The following SUGCT variants were observed in gnomAD, a reference collection of about 807,000 sequenced individuals.
SUGCT encodes succinyl-CoA:glutarate-CoA transferase.
SUGCT carries 41 observed loss-of-function variants against 55.0 expected under a neutral mutation model. The observed-to-expected ratio is 0.74, with a 90% CI of 0.58 to 0.97. SUGCT has a LOEUF of 0.97. Among genes scored for constraint, SUGCT ranks in the 50% least tolerant of loss-of-function variants. The probability of loss-of-function intolerance (pLI) is 0.00; values close to 1 mark genes in which losing one functional copy is unlikely to be tolerated. For missense variants in SUGCT, 568 were observed against 547.8 expected, an observed-to-expected ratio of 1.04 and a Z score of -0.37; for synonymous variants, 187 against 200.4, an observed-to-expected ratio of 0.93 and a Z score of 0.56.
At chr7:40,514,508 A>C (rs1271418641) in intron 12 of SUGCT, among the ~76,000 whole-genome samples, 2 of 152,120 alleles carry the variant, frequency 1.3e-5, no homozygotes, top group African/African-American at 4.8e-5. Context: ...CAGGAGTTCA[A>C]GACCAACCTG....
At chr7:40,482,785 C>T (rs1220875625) in intron 11 of SUGCT, among the ~76,000 whole-genome samples, 3 of 152,070 alleles carry the variant, frequency 2.0e-5, no homozygotes, top group Non-Finnish European at 4.4e-5. Flanking sequence ...TTAGTATGGA[C>T]GAGAATTGTT....
intron 12 of SUGCT, among the ~76,000 whole-genome samples, chr7:40,638,150 T>C (rs964656348): frequency 1.3e-5 from 2 of 152,244 alleles, no homozygotes; most frequent in African/African-American, 4.8e-5. Context: ...GCAGGGTTAC[T>C]AGCCACTGCC....
intron 13 of SUGCT, among the ~76,000 whole-genome samples, chr7:40,801,973 A>G (rs1203573): frequency 0.59 from 89,450 of 150,404 alleles, 27,960 homozygotes; most frequent in African/African-American, 0.8. Flanking sequence ...AATGTTAAGC[A>G]TGGCCACCGA....
rs965775165 is a variant in SUGCT, at chr7:40,428,397, T to G, written c.817-20890T>G. Among the ~76,000 whole-genome samples the G allele has an allele frequency of 2.2e-4, 33 of 152,162 alleles. 1 individual carries two copies. The highest frequency in any genetic ancestry group is 1.8e-4 in the Non-Finnish European group (12 of 68,026). On this transcript the variant is annotated intron_variant, in intron 9 of 13. Transcript: ENST00000335693. ...AAAGTAATTACCAATAGGGAAGGAC[T>G]TACCTTGTCACTTTTAAATTGTTTT...
At chr7:40,905,435 A>ATATT in the SUGCT span, among the ~76,000 whole-genome samples, 1 of 152,218 alleles carries the variant, frequency 6.6e-6, no homozygotes. Flanking sequence ...ATTAATTATG[A>ATATT]TATTTGTAGG....
intron 1 of SUGCT, 65 bp downstream of exon 1, chr7:40,135,185 C>T (rs1216191555): frequency 2.0e-6 from 3 of 1,491,556 alleles, no homozygotes; most frequent in Non-Finnish European, 2.7e-6. Flanking sequence ...TCCTCGGGCG[C>T]CCTGAGGAGA....
chr7:40,297,151 T>G (rs1434254889), intron 8 of SUGCT, among the ~76,000 whole-genome samples: 1 of 152,184 alleles, frequency 6.6e-6, no homozygotes. Flanking sequence ...TTCTCTTTCC[T>G]TCAGTCCCTC....
chr7:40,972,187 C>T, the SUGCT span, among the ~76,000 whole-genome samples: 1 of 152,256 alleles, frequency 6.6e-6, no homozygotes, highest in Non-Finnish European at 1.5e-5. Flanking sequence ...AATAAATATA[C>T]ATCCCGAAGC....
intron 12 of SUGCT, among the ~76,000 whole-genome samples, chr7:40,657,724 CG>C (rs1801097675): frequency 1.3e-5 from 2 of 152,126 alleles, no homozygotes. Flanking sequence ...TTAGTGGAGA[CG>C]GGGTTTCGCC....
At chr7:40,382,070 T>A (rs1784903929) in intron 9 of SUGCT, among the ~76,000 whole-genome samples, 1 of 151,972 alleles carries the variant, frequency 6.6e-6, no homozygotes, top group African/African-American at 2.4e-5. Context: ...TATATGGATT[T>A]TTACTAAACA....
At chr7:40,916,801 C>G in the SUGCT span, among the ~76,000 whole-genome samples, 1 of 152,110 alleles carries the variant, frequency 6.6e-6, no homozygotes, top group Non-Finnish European at 1.5e-5. Context: ...TCATTTGTTT[C>G]TTTATACACA....
intron 13 of SUGCT, among the ~76,000 whole-genome samples, chr7:40,810,835 C>T (rs1791371047): frequency 6.6e-6 from 1 of 152,014 alleles, no homozygotes; most frequent in African/African-American, 2.4e-5. Flanking sequence ...AAATTATTTC[C>T]CAAATGCAAT....
intron 8 of SUGCT, among the ~76,000 whole-genome samples, chr7:40,311,561 A>T (rs575987942): frequency 6.6e-6 from 1 of 151,968 alleles, no homozygotes; most frequent in African/African-American, 2.4e-5. Flanking sequence ...TGGTTTAGTT[A>T]TATTTGTCTT....
At chr7:40,898,430 C>T in the SUGCT span, among the ~76,000 whole-genome samples, 3 of 127,262 alleles carry the variant, frequency 2.4e-5, no homozygotes, top group African/African-American at 3.1e-5. Context: ...AACTGTAACA[C>T]TCGGCAGGGC....
At chr7:40,683,594 G>T (rs1004161856) in intron 12 of SUGCT, among the ~76,000 whole-genome samples, 1 of 152,182 alleles carries the variant, frequency 6.6e-6, no homozygotes, top group Non-Finnish European at 1.5e-5. Flanking sequence ...AAAAACTACT[G>T]ATCAGCCTGT....
At chr7:40,658,483 C>T (rs937581236) in intron 12 of SUGCT, among the ~76,000 whole-genome samples, 1 of 152,072 alleles carries the variant, frequency 6.6e-6, no homozygotes, top group Non-Finnish European at 1.5e-5. Flanking sequence ...CTCTGATTTC[C>T]CTTCTCCTCA....
chr7:40,182,996 G>A (rs1210375638), intron 3 of SUGCT, among the ~76,000 whole-genome samples: 1 of 152,220 alleles, frequency 6.6e-6, no homozygotes, highest in Non-Finnish European at 1.5e-5. Context: ...CCTAAGGCTG[G>A]GCGTGGTGGC....
At chr7:40,410,485 T>A (rs1583620076) in intron 9 of SUGCT, among the ~76,000 whole-genome samples, 1 of 152,200 alleles carries the variant, frequency 6.6e-6, no homozygotes, top group East Asian at 1.9e-4. Context: ...TTAACTCATA[T>A]ATCTTTTCTT....
chr7:40,307,431 G>A (rs1424479295), intron 8 of SUGCT, among the ~76,000 whole-genome samples: 7 of 152,232 alleles, frequency 4.6e-5, no homozygotes, highest in East Asian at 1.9e-4. Flanking sequence ...AAGTTTGAGA[G>A]TAGTCTGATT....
Sources: gnomAD v4.1 joint callset for allele counts (sites outside exome capture counted in the v4.1 genomes callset) on GRCh38, gnomAD v4.1.1 for gene constraint, MANE v1.5 for transcripts, NCBI Gene and HGNC (gene_info 2026-07-23, HGNC 2026-07-21) for gene names.